Variants in AKAP13 observed in about 807,000 individuals in gnomAD.
AKAP13 encodes A-kinase anchor protein 13.
Under a neutral mutation model 264.5 loss-of-function variants are expected in AKAP13, and 80 were observed. The ratio of observed to expected loss-of-function variants is 0.30; its 90% confidence interval spans 0.25 to 0.36. The LOEUF (loss-of-function observed/expected upper bound fraction) is 0.36. Among genes scored for constraint, AKAP13 ranks in the 10% least tolerant of loss-of-function variants. The probability of loss-of-function intolerance (pLI) is 1.00; values close to 1 mark genes in which losing one functional copy is unlikely to be tolerated. For synonymous variants in AKAP13, 1,380 were observed against 1,250.2 expected (o/e 1.10, Z -2.19); for missense variants, 3,712 against 3,435.2 (o/e 1.08, Z -2.01).
rs1596100357 is a variant in AKAP13 at position 85,417,001 on chromosome 15, G to A, written c.-12+36203G>A. ...TGTGTTATGCTTCAAAATGAAATACGGGATTTTTATTCACTAGTTTGTCTT... is the reference window on the plus strand; with the variant it reads ...TGTGTTATGCTTCAAAATGAAATACAGGATTTTTATTCACTAGTTTGTCTT... On this transcript the variant is annotated intron_variant, in intron 1 of 36. Transcript: ENST00000394518. Among the ~76,000 whole-genome samples the A allele has an allele frequency of 2.6e-5, 4 of 152,080 alleles. No individual in the cohort carries two copies. The East Asian group carries it at 5.8e-4, about 22-fold the overall frequency.
chr15:85,744,302 C>A, intron 36 of AKAP13: 1 of 340,500 alleles, frequency 2.9e-6, no homozygotes, highest in Non-Finnish European at 5.4e-6. Context: ...CCTCCCTGTT[C>A]ATGTACCACT....
chr15:85,538,710 C>G (rs1421183478), intron 4 of AKAP13, among the ~76,000 whole-genome samples: 1 of 151,104 alleles, frequency 6.6e-6, no homozygotes, highest in Non-Finnish European at 1.5e-5. Context: ...AGGATGGTCT[C>G]GATCTCCTGA....
At chr15:85,591,622 G>C (rs1176587106) in intron 8 of AKAP13, among the ~76,000 whole-genome samples, 2 of 151,906 alleles carry the variant, frequency 1.3e-5, no homozygotes, top group African/African-American at 4.8e-5. Context: ...AGATGACATT[G>C]AATACTTAAG....
Position 85,708,554 on chromosome 15 carries a change from A to G in AKAP13, c.5532+468A>G, listed in dbSNP as rs1420013571. The stretch of plus-strand genomic sequence containing the variant: ...GCACTTTTCTCCTCAGGTATGTAAT[A>G]TAGGTGGCTCTGATCACATGACGTA... On this transcript the variant is annotated intron_variant, in intron 18 of 36. Coordinates refer to ENST00000394518, the MANE Select transcript of AKAP13 (RefSeq NM_007200.5). The surrounding 1 kb of genome is among the most constrained non-coding windows in gnomAD (Gnocchi z 4.3). Among the ~76,000 whole-genome samples the G allele has an allele frequency of 1.3e-5, 2 of 152,082 alleles. No individual in the cohort carries two copies. The highest frequency in any genetic ancestry group is 4.8e-5 in the African/African-American group (2 of 41,410).
In AKAP13 at chr15:85,718,942, G is replaced by T; in HGVS notation, c.6002-134G>T. On this transcript the variant is annotated intron_variant, in intron 22 of 36. Transcript: ENST00000394518. The surrounding 1 kb of genome is among the most constrained non-coding windows in gnomAD (Gnocchi z 4.9). ...CAAAAAAACGAGAACACTTTTAGGG[G>T]AAAGATAGCTGTTGACCCAATTTTA... The T allele has an allele frequency of 8.0e-7, 1 of 1,248,112 alleles. No individual in the cohort carries two copies. Among genetic ancestry groups the T allele is most frequent in the Middle Eastern group, 2.9e-4 (1 of 3,506 alleles). The allele number at this position is 1,248,112 out of a possible 1,614,324, so 77.3% of individuals were successfully genotyped here.
At chr15:85,601,759 T>C (rs2080088553) in intron 8 of AKAP13, among the ~76,000 whole-genome samples, 1 of 152,060 alleles carries the variant, frequency 6.6e-6, no homozygotes, top group Non-Finnish European at 1.5e-5. Flanking sequence ...AGCTTTTGTT[T>C]ATATAGGTTA....
chr15:85,563,137 C>T (rs1354517990), intron 5 of AKAP13, among the ~76,000 whole-genome samples: 1 of 151,978 alleles, frequency 6.6e-6, no homozygotes, highest in African/African-American at 2.4e-5. Flanking sequence ...TCCCATACCA[C>T]ACTATGATTT....
intron 17 of AKAP13, among the ~76,000 whole-genome samples, chr15:85,694,803 CTA>C (rs2085479758): frequency 6.6e-6 from 1 of 152,184 alleles, no homozygotes; most frequent in Non-Finnish European, 1.5e-5. Context: ...TAACATGATA[CTA>C]TATCTATAAC....
intron 8 of AKAP13, among the ~76,000 whole-genome samples, chr15:85,608,185 T>C (rs2151383589): frequency 6.6e-6 from 1 of 152,346 alleles, no homozygotes; most frequent in South Asian, 2.1e-4. Flanking sequence ...CCTAAAGTAA[T>C]ACATTTTTAT....
intron 30 of AKAP13, among the ~76,000 whole-genome samples, chr15:85,732,187 A>G (rs984826245): frequency 6.6e-6 from 1 of 151,756 alleles, no homozygotes; most frequent in Non-Finnish European, 1.5e-5. Context: ...TTTGGCTTCT[A>G]GTCCTGTGGA....
intron 2 of AKAP13, among the ~76,000 whole-genome samples, chr15:85,494,032 G>C (rs2075804987): frequency 6.6e-6 from 1 of 152,108 alleles, no homozygotes; most frequent in Non-Finnish European, 1.5e-5. Flanking sequence ...CCCATTTTAG[G>C]AAAATCCAAT....
At chr15:85,645,797 T>G (rs1262358435) in intron 9 of AKAP13, 21 bp from the exon 10 acceptor site, 4 of 1,550,956 alleles carry the variant, frequency 2.6e-6, no homozygotes, top group South Asian at 1.2e-5. Context: ...TCAATATTGG[T>G]GAATAAATTC....
chr15:85,717,442 G>A, intron 21 of AKAP13, 40 bp downstream of exon 21: 2 of 1,393,106 alleles, frequency 1.4e-6, no homozygotes. Context: ...GCCTCTGTAG[G>A]GACTGTGTGT....
intron 1 of AKAP13, among the ~76,000 whole-genome samples, chr15:85,395,334 C>A (rs1363037821): frequency 6.6e-6 from 1 of 152,122 alleles, no homozygotes; most frequent in African/African-American, 2.4e-5. Flanking sequence ...TTCTCCATCC[C>A]TTTCCTTCTC....
At chr15:85,555,105 G>A (rs1425359940) in intron 5 of AKAP13, among the ~76,000 whole-genome samples, 1 of 152,022 alleles carries the variant, frequency 6.6e-6, no homozygotes, top group African/African-American at 2.4e-5. Context: ...GGGTATGCAG[G>A]ATTGCATATC....
intron 10 of AKAP13, among the ~76,000 whole-genome samples, chr15:85,649,693 G>A (rs963497693): frequency 2.0e-5 from 3 of 152,156 alleles, no homozygotes; most frequent in African/African-American, 7.2e-5. Context: ...TCTTTAGTGA[G>A]TGTTATGAGC....
At chr15:85,612,020 G>A (rs1158000259) in intron 8 of AKAP13, among the ~76,000 whole-genome samples, 2 of 152,080 alleles carry the variant, frequency 1.3e-5, no homozygotes, top group African/African-American at 2.4e-5. Context: ...CCGTATCCTC[G>A]ATGCCAAGCG....
chr15:85,565,556 A>G (rs2078576359), intron 5 of AKAP13, among the ~76,000 whole-genome samples: 1 of 152,220 alleles, frequency 6.6e-6, no homozygotes, highest in Admixed American at 6.5e-5. Context: ...CTTAATTACC[A>G]ACTGTAGATG....
Position 85,555,432 on chromosome 15 carries a change from A to G in AKAP13, c.662+11477A>G, listed in dbSNP as rs1270210536. On this transcript the variant is annotated intron_variant, in intron 5 of 36. Transcript: ENST00000394518. Reference sequence around the variant, plus strand: ...TTTCCTCTATTTTTAAAGCTGTAGTATGAAGCCAAAACTAAAAGAGGATGG... The same window carrying G: ...TTTCCTCTATTTTTAAAGCTGTAGTGTGAAGCCAAAACTAAAAGAGGATGG... The G allele has an allele frequency of 2.3e-6, 3 of 1,289,084 alleles. No homozygotes were observed. In the South Asian group the frequency reaches 3.7e-5, roughly 16 times the overall value. The allele number at this position is 1,289,084 out of a possible 1,614,324, so 79.9% of individuals were successfully genotyped here.
Sources: allele counts gnomAD v4.1 joint callset (sites outside exome capture counted in the v4.1 genomes callset), GRCh38; gene constraint gnomAD v4.1.1; non-coding constraint Gnocchi (gnomAD v3.1); transcripts MANE v1.5; gene names NCBI Gene and HGNC (gene_info 2026-07-23, HGNC 2026-07-21).